CFAP299: variants seen among roughly 807,000 people sequenced by gnomAD.
The protein encoded by CFAP299 is cilia and flagella associated protein 299, also known as cilia- and flagella-associated protein 299.
A neutral mutation model predicts 27.0 loss-of-function variants in CFAP299; 21 were observed. That is an observed-to-expected ratio of 0.78 (90% CI 0.55 to 1.12). The LOEUF is 1.12. CFAP299 is among the 50% of genes most tolerant of loss of function. The pLI is 0.00. For missense variants in CFAP299, 310 were observed against 276.6 expected (o/e 1.12, Z -0.86); for synonymous variants, 104 against 98.1 (o/e 1.06, Z -0.36).
chr4:80,506,384 A>G (rs902194586), intron 2 of CFAP299, among the ~76,000 whole-genome samples: 1 of 152,108 alleles, frequency 6.6e-6, no homozygotes, highest in Non-Finnish European at 1.5e-5. Context: ...AAAGATTATA[A>G]TTAGTTGAGA....
chr4:80,423,253 A>C (rs753871076), intron 2 of CFAP299, among the ~76,000 whole-genome samples: 69 of 152,226 alleles, frequency 4.5e-4, no homozygotes, highest in Admixed American at 1.6e-3. Context: ...TAACAATGGA[A>C]GTATGCACAT....
chr4:80,888,088 A>C (rs1360205628), intron 4 of CFAP299, among the ~76,000 whole-genome samples: 1 of 152,032 alleles, frequency 6.6e-6, no homozygotes, highest in African/African-American at 2.4e-5. Flanking sequence ...AAGACCATTA[A>C]GCAACCAGAA....
chr4:80,500,136 C>A (rs1476875034), intron 2 of CFAP299, among the ~76,000 whole-genome samples: 2 of 152,078 alleles, frequency 1.3e-5, no homozygotes, highest in Non-Finnish European at 2.9e-5. Flanking sequence ...CCCTGACTGG[C>A]ATGAAAAGTG....
At chr4:80,771,744 C>G (rs1425677698) in intron 3 of CFAP299, among the ~76,000 whole-genome samples, 1 of 152,130 alleles carries the variant, frequency 6.6e-6, no homozygotes, top group African/African-American at 2.4e-5. Flanking sequence ...CTCCAGCCCC[C>G]TTCATAATTC....
intron 3 of CFAP299, among the ~76,000 whole-genome samples, chr4:80,825,172 A>G (rs1427245105): frequency 2.0e-5 from 3 of 151,954 alleles, no homozygotes; most frequent in Non-Finnish European, 2.9e-5. Context: ...AACAAGCAGA[A>G]GAGTGAATCA....
At chr4:80,619,332 C>G (rs887787927) in intron 3 of CFAP299, among the ~76,000 whole-genome samples, 3 of 152,148 alleles carry the variant, frequency 2.0e-5, no homozygotes, top group African/African-American at 4.8e-5. Flanking sequence ...GAAGGACCTT[C>G]TCTTCAGCGT....
chr4:80,531,229 T>C (rs1733447389), intron 2 of CFAP299, among the ~76,000 whole-genome samples: 1 of 152,064 alleles, frequency 6.6e-6, no homozygotes. Flanking sequence ...AATTTCCTAG[T>C]GTATTGGATT....
chr4:80,568,904 C>G (rs1735445109), intron 2 of CFAP299, among the ~76,000 whole-genome samples: 1 of 152,104 alleles, frequency 6.6e-6, no homozygotes, highest in Non-Finnish European at 1.5e-5. Context: ...TTTCTGGCCC[C>G]AGAGGATAAT....
intron 2 of CFAP299, among the ~76,000 whole-genome samples, chr4:80,462,397 C>T (rs1467927041): frequency 6.6e-6 from 1 of 152,090 alleles, no homozygotes; most frequent in Non-Finnish European, 1.5e-5. Context: ...ACTTATGTCC[C>T]CATTGCCCCA....
intron 3 of CFAP299, among the ~76,000 whole-genome samples, chr4:80,766,361 G>A (rs1405510432): frequency 1.3e-5 from 2 of 152,066 alleles, no homozygotes; most frequent in Non-Finnish European, 2.9e-5. Context: ...TTATACAGAC[G>A]AAAATAATTT....
chr4:80,784,999 C>T (rs927947815), intron 3 of CFAP299, among the ~76,000 whole-genome samples: 1 of 151,994 alleles, frequency 6.6e-6, no homozygotes, highest in African/African-American at 2.4e-5. Context: ...CATAGGTTGC[C>T]TTTTCATTTT....
At chr4:80,517,822 A>G (rs916821875) in intron 2 of CFAP299, among the ~76,000 whole-genome samples, 1 of 152,134 alleles carries the variant, frequency 6.6e-6, no homozygotes, top group African/African-American at 2.4e-5. Flanking sequence ...GAGACAAGAG[A>G]GTTGAGGACA....
chr4:80,912,281 T>C (rs1361898719), intron 4 of CFAP299, among the ~76,000 whole-genome samples: 1 of 152,184 alleles, frequency 6.6e-6, no homozygotes, highest in Non-Finnish European at 1.5e-5. Flanking sequence ...CGGCTGCAGC[T>C]ACAGAATAGT....
chr4:80,841,165 TTA>T (rs1170385379), intron 3 of CFAP299, among the ~76,000 whole-genome samples: 1 of 152,172 alleles, frequency 6.6e-6, no homozygotes, highest in Non-Finnish European at 1.5e-5. Context: ...AAATGAAATG[TTA>T]ACCAGCACTC....
intron 2 of CFAP299, among the ~76,000 whole-genome samples, chr4:80,482,800 A>G (rs1730631544): frequency 6.6e-6 from 1 of 152,212 alleles, no homozygotes; most frequent in African/African-American, 2.4e-5. Flanking sequence ...AATTTGAATC[A>G]GGTCTCTTGC....
intron 3 of CFAP299, among the ~76,000 whole-genome samples, chr4:80,739,998 C>T (rs1479803512): frequency 2.6e-5 from 4 of 152,166 alleles, no homozygotes; most frequent in Non-Finnish European, 5.9e-5. Context: ...AACATTTCTG[C>T]TTTTTTCTCT....
At chr4:80,527,773 T>C (rs1733263542) in intron 2 of CFAP299, among the ~76,000 whole-genome samples, 1 of 152,164 alleles carries the variant, frequency 6.6e-6, no homozygotes, top group Admixed American at 6.6e-5. Flanking sequence ...ATAATTGCTT[T>C]TTTTCAACAT....
At chr4:80,331,909 G>A (rs1721956426), upstream of CFAP299, among the ~76,000 whole-genome samples, 1 of 152,138 alleles carries the variant, frequency 6.6e-6, no homozygotes, top group South Asian at 2.1e-4. Flanking sequence ...GTCTAGGAGA[G>A]AACCCTGAGA....
At chr4:80,926,986 C>T (rs1736341142) in intron 4 of CFAP299, among the ~76,000 whole-genome samples, 1 of 152,090 alleles carries the variant, frequency 6.6e-6, no homozygotes, top group Non-Finnish European at 1.5e-5. Flanking sequence ...CAGGCTGCAA[C>T]AAATAACTGC....
Sources: gnomAD v4.1 joint callset for allele counts (sites outside exome capture counted in the v4.1 genomes callset) on GRCh38, gnomAD v4.1.1 for gene constraint, MANE v1.5 for transcripts, NCBI Gene and HGNC (gene_info 2026-07-23, HGNC 2026-07-21) for gene names.